Variants in PRTFDC1 observed in about 807,000 individuals in gnomAD.
PRTFDC1 encodes the protein phosphoribosyl transferase domain containing 1, also known as phosphoribosyltransferase domain-containing protein 1.
A neutral mutation model predicts 34.6 loss-of-function variants in PRTFDC1; 38 were observed. That is an observed-to-expected ratio of 1.10 (90% CI 0.85 to 1.44). The LOEUF (loss-of-function observed/expected upper bound fraction) is 1.44. Ranked by LOEUF, PRTFDC1 falls within the 40% of genes most tolerant of loss-of-function variation. The pLI, the probability that PRTFDC1 is intolerant of heterozygous loss-of-function variation, is 0.00. For synonymous variants in PRTFDC1, 93 were observed against 98.1 expected, an observed-to-expected ratio of 0.95 and a Z score of 0.31; for missense variants, 270 against 283.0, an observed-to-expected ratio of 0.95 and a Z score of 0.33.
At chr10:24,856,819 T>C in intron 6 of PRTFDC1, 94 bp downstream of exon 6, 4 of 1,168,900 alleles carry the variant, frequency 3.4e-6, no homozygotes, top group East Asian at 2.3e-5. Context: ...GTTTGGAATA[T>C]ATTACACTCT....
Position 24,947,613 on chromosome 10 carries a change from G to GT in PRTFDC1, c.48+4914dup, listed in dbSNP as rs932861810. ...GCACTGAAGATGCACTGAAAACTTT[G>GT]TAAGTCATTAAAAATAATTTTTTTT... On this transcript the variant is annotated intron_variant, in intron 1 of 8. Coordinates refer to ENST00000320152, the MANE Select transcript of PRTFDC1 (RefSeq NM_020200.7). Among the ~76,000 whole-genome samples the GT allele has an allele frequency of 7.0e-4, 106 of 152,124 alleles. 1 individual carries two copies. Among genetic ancestry groups the GT allele is most frequent in the Non-Finnish European group, 1.8e-4 (12 of 67,972 alleles).
At position 24,952,101 on chromosome 10, in the gene PRTFDC1, T is replaced by C. The variant is rs11014322; in HGVS notation, c.48+427A>G. 0.11 allele frequency among the ~76,000 whole-genome samples: 17,490 copies of C among 152,238 alleles called. 3,165 individuals carry two copies. The highest frequency in any genetic ancestry group is 0.39 in the African/African-American group (16,046 of 41,484). Reference sequence around the variant, plus strand: ...TAGCTGCCTTCAAAACCCCTCAGTGTGCTTTTTAAAAACAAAACTTGAAGC... The same window carrying C: ...TAGCTGCCTTCAAAACCCCTCAGTGCGCTTTTTAAAAACAAAACTTGAAGC... On this transcript the variant is annotated intron_variant, in intron 1 of 8. Coordinates refer to ENST00000320152, the MANE Select transcript of PRTFDC1 (RefSeq NM_020200.7). This position sits in a 1 kb window ranked among gnomAD's most constrained non-coding sequence, Gnocchi z 5.1.
intron 4 of PRTFDC1, among the ~76,000 whole-genome samples, chr10:24,859,383 C>T (rs1444636919): frequency 6.6e-6 from 1 of 152,206 alleles, no homozygotes; most frequent in Non-Finnish European, 1.5e-5. Context: ...CCTCACCTTC[C>T]CACGTGGCTG....
chr10:24,857,810 G>T (rs1847608451), intron 5 of PRTFDC1, among the ~76,000 whole-genome samples: 1 of 152,110 alleles, frequency 6.6e-6, no homozygotes, highest in Non-Finnish European at 1.5e-5. Context: ...AGGAAACGTG[G>T]CCATTTGCTG....
At chr10:24,951,681 G>T in intron 1 of PRTFDC1, 1 of 894,186 alleles carries the variant, frequency 1.1e-6, no homozygotes, top group Non-Finnish European at 1.3e-6. Flanking sequence ...CCTGACACAA[G>T]TTATAACCAC....
intron 3 of PRTFDC1, among the ~76,000 whole-genome samples, chr10:24,914,863 G>A (rs2132574338): frequency 6.6e-6 from 1 of 152,244 alleles, no homozygotes; most frequent in Admixed American, 6.5e-5. Flanking sequence ...AATAATCAAA[G>A]TTGTCACTTG....
intron 8 of PRTFDC1, among the ~76,000 whole-genome samples, chr10:24,850,893 G>A (rs1016430339): frequency 6.6e-6 from 1 of 152,170 alleles, no homozygotes; most frequent in Non-Finnish European, 1.5e-5. Flanking sequence ...CTATGGGTAA[G>A]TTGTCTACCT....
At chr10:24,921,175 G>A (rs1264341138) in intron 3 of PRTFDC1, among the ~76,000 whole-genome samples, 1 of 151,990 alleles carries the variant, frequency 6.6e-6, no homozygotes, top group Non-Finnish European at 1.5e-5. Context: ...CTGGAGTAAG[G>A]GGTATGTTTA....
chr10:24,935,493 TGC>T (rs1849035330), intron 3 of PRTFDC1, among the ~76,000 whole-genome samples: 5 of 152,202 alleles, frequency 3.3e-5, no homozygotes, highest in Admixed American at 6.5e-5. Flanking sequence ...AATTTCCAGC[TGC>T]TCTAGAACTG....
At chr10:24,858,627 G>C (rs1191742136) in intron 4 of PRTFDC1, among the ~76,000 whole-genome samples, 1 of 152,132 alleles carries the variant, frequency 6.6e-6, no homozygotes, top group Non-Finnish European at 1.5e-5. Context: ...TCTATATTTA[G>C]GTTAGAAGCA....
chr10:24,880,813 C>CTCCTTCTTTCTT (rs1555046618), intron 3 of PRTFDC1, among the ~76,000 whole-genome samples: 1 of 114,928 alleles, frequency 8.7e-6, no homozygotes, highest in Non-Finnish European at 1.8e-5. Context: ...TACTGTCTTT[C>CTCCTTCTTTCTT]TCTTTCTTTC....
At chr10:24,914,873 G>A (rs1232403010) in intron 3 of PRTFDC1, among the ~76,000 whole-genome samples, 1 of 152,132 alleles carries the variant, frequency 6.6e-6, no homozygotes, top group Non-Finnish European at 1.5e-5. Context: ...GTTGTCACTT[G>A]CTGGTCACCT....
At chr10:24,889,047 C>T (rs1848218370) in intron 3 of PRTFDC1, among the ~76,000 whole-genome samples, 1 of 152,134 alleles carries the variant, frequency 6.6e-6, no homozygotes, top group Admixed American at 6.6e-5. Context: ...GCCCCAAATT[C>T]AGATGTTGAA....
intron 3 of PRTFDC1, among the ~76,000 whole-genome samples, chr10:24,929,501 T>TC (rs1848939215): frequency 6.6e-6 from 1 of 152,170 alleles, no homozygotes; most frequent in African/African-American, 2.4e-5. Flanking sequence ...CAGGGCACAT[T>TC]CAAACAACAT....
In PRTFDC1 at chr10:24,939,682, T is replaced by C. The variant is rs576589328; in HGVS notation, c.156-2315A>G. Among the ~76,000 whole-genome samples the C allele has an allele frequency of 2.7e-5, 4 of 150,518 alleles. No individual in the cohort carries two copies. The East Asian group carries it at 7.9e-4, about 30-fold the overall frequency. ...GGTGGTGCATGCTTATAATCCCAGCTACTTGGGAGGCTGAGGCAGGAGGTT... is the reference window on the plus strand; with the variant it reads ...GGTGGTGCATGCTTATAATCCCAGCCACTTGGGAGGCTGAGGCAGGAGGTT... On this transcript the variant is annotated intron_variant, in intron 2 of 8. Coordinates refer to ENST00000320152, the MANE Select transcript of PRTFDC1 (RefSeq NM_020200.7).
chr10:24,864,782 G>C (rs1301469746), intron 4 of PRTFDC1, among the ~76,000 whole-genome samples: 1 of 152,066 alleles, frequency 6.6e-6, no homozygotes, highest in African/African-American at 2.4e-5. Context: ...TTAGCTCAAA[G>C]AGCTAAGGAG....
intron 1 of PRTFDC1, among the ~76,000 whole-genome samples, chr10:24,944,670 C>T (rs1227392330): frequency 6.6e-6 from 1 of 152,178 alleles, no homozygotes; most frequent in Non-Finnish European, 1.5e-5. Context: ...GTAGTCCGAG[C>T]TACTCAGTAG....
At chr10:24,883,405 T>TG (rs1470419134) in intron 3 of PRTFDC1, among the ~76,000 whole-genome samples, 28 of 150,990 alleles carry the variant, frequency 1.9e-4, no homozygotes, top group Non-Finnish European at 2.5e-4. Flanking sequence ...AAAGGGAGGG[T>TG]GGGTCAGAAG....
At chr10:24,870,707 T>C (rs1422408127) in intron 4 of PRTFDC1, among the ~76,000 whole-genome samples, 1 of 152,170 alleles carries the variant, frequency 6.6e-6, no homozygotes, top group Non-Finnish European at 1.5e-5. Context: ...AACAAGTTAA[T>C]TCTGATTTTT....
Sources: gnomAD v4.1 joint callset for allele counts (sites outside exome capture counted in the v4.1 genomes callset) on GRCh38, gnomAD v4.1.1 for gene constraint, Gnocchi (gnomAD v3.1) non-coding constraint, MANE v1.5 for transcripts, NCBI Gene and HGNC (gene_info 2026-07-23, HGNC 2026-07-21) for gene names.